Variants in ROBO2 observed in about 807,000 individuals in gnomAD.
ROBO2 encodes the protein roundabout homolog 2.
Under a neutral mutation model 160.8 loss-of-function variants are expected in ROBO2, and 53 were observed. The observed-to-expected ratio is 0.33, with a 90% CI of 0.26 to 0.41. ROBO2 has a LOEUF of 0.41. Ranked by LOEUF, ROBO2 falls within the 10% of genes least tolerant of loss-of-function variation. The pLI is 1.00. For synonymous variants in ROBO2, 664 were observed against 611.7 expected (o/e 1.09, Z -1.26); for missense variants, 1,577 against 1,722.4 (o/e 0.92, Z 1.49).
chr3:77,342,329 A>G (rs907326816), intron 2 of ROBO2, among the ~76,000 whole-genome samples: 2 of 152,184 alleles, frequency 1.3e-5, no homozygotes, highest in Non-Finnish European at 2.9e-5. Flanking sequence ...CGAAAGCGTA[A>G]GATGTGTCAG....
chr3:76,115,477 G>A (rs2070427103), intron 2 of ROBO2, among the ~76,000 whole-genome samples: 1 of 152,076 alleles, frequency 6.6e-6, no homozygotes, highest in African/African-American at 2.4e-5. Context: ...TTTACTAGCT[G>A]TGTGAGTTGG....
At chr3:77,166,679 C>T (rs1309369215) in intron 2 of ROBO2, among the ~76,000 whole-genome samples, 4 of 152,184 alleles carry the variant, frequency 2.6e-5, no homozygotes, top group Admixed American at 1.3e-4. Context: ...CTGCCTCAGC[C>T]TCCCGAGTAG....
intron 5 of ROBO2, among the ~76,000 whole-genome samples, chr3:77,494,749 C>T (rs963824015): frequency 1.3e-5 from 2 of 150,686 alleles, no homozygotes. Flanking sequence ...TTATAAATCC[C>T]TAGATATGAT....
At chr3:76,591,667 T>C (rs1258416311) in intron 2 of ROBO2, among the ~76,000 whole-genome samples, 1 of 152,146 alleles carries the variant, frequency 6.6e-6, no homozygotes, top group East Asian at 1.9e-4. Context: ...TTTATTTATT[T>C]CAGAAATAAG....
chr3:77,620,873 C>T (rs1383524663), intron 22 of ROBO2, among the ~76,000 whole-genome samples: 3 of 152,172 alleles, frequency 2.0e-5, no homozygotes, highest in Non-Finnish European at 2.9e-5. Context: ...TAAGATCTCA[C>T]CTAAATAGCA....
At position 76,641,721 on chromosome 3, in the gene ROBO2, T is replaced by C. The variant is rs145232706; in HGVS notation, c.110-456293T>C. Among the ~76,000 whole-genome samples the C allele has an allele frequency of 1.1e-4, 16 of 152,284 alleles. No homozygotes were observed. In the East Asian group the frequency reaches 2.9e-3, roughly 28 times the overall value. On this transcript the variant is annotated intron_variant, in intron 2 of 26. Coordinates refer to the ROBO2 transcript ENST00000487694. Reference sequence around the variant, plus strand: ...TTTAACTTCTTGGTCTGGATAATTATAGTATGGTATGTAGGTTTTTATTTA... The same window carrying C: ...TTTAACTTCTTGGTCTGGATAATTACAGTATGGTATGTAGGTTTTTATTTA...
At chr3:77,102,956 G>T (rs530655678) in intron 2 of ROBO2, among the ~76,000 whole-genome samples, 2 of 152,020 alleles carry the variant, frequency 1.3e-5, no homozygotes, top group African/African-American at 4.8e-5. Flanking sequence ...GAAAACAGTT[G>T]CAGAGTTAAT....
chr3:76,618,964 A>G (rs2088825338), intron 2 of ROBO2, among the ~76,000 whole-genome samples: 1 of 151,866 alleles, frequency 6.6e-6, no homozygotes, highest in African/African-American at 2.4e-5. Context: ...CTAAAAAGAA[A>G]TAATTTTTAA....
intron 2 of ROBO2, among the ~76,000 whole-genome samples, chr3:76,394,361 T>G (rs538488482): frequency 3.5e-4 from 54 of 152,170 alleles, no homozygotes; most frequent in African/African-American, 1.2e-3. Context: ...GTCTGTAAAG[T>G]ATTTTATTTC....
intron 2 of ROBO2, among the ~76,000 whole-genome samples, chr3:76,685,693 G>A (rs2092670766): frequency 6.6e-6 from 1 of 152,058 alleles, no homozygotes; most frequent in African/African-American, 2.4e-5. Flanking sequence ...AAAAAACAAA[G>A]TCACTTTAGT....
In ROBO2 at chr3:77,352,372, G is replaced by C. The variant is rs750641869; in HGVS notation, c.389-125042G>C. Among the ~76,000 whole-genome samples the C allele has an allele frequency of 1.6e-4, 25 of 152,208 alleles. No homozygotes were observed. In the South Asian group the frequency reaches 3.1e-3, roughly 19 times the overall value. On this transcript the variant is annotated intron_variant, in intron 2 of 25. Transcript: ENST00000461745. ...CAATTCGTGCATCATTCTATTTCGTGGAAGATATTCTCATGCAGGTGGTCT... is the reference window on the plus strand; with the variant it reads ...CAATTCGTGCATCATTCTATTTCGTCGAAGATATTCTCATGCAGGTGGTCT...
At position 77,495,725 on chromosome 3, in the gene ROBO2, A is replaced by G. The variant is rs7619803; in HGVS notation, c.806+2343A>G. On this transcript the variant is annotated intron_variant, in intron 5 of 25. Transcript: ENST00000461745. ...AGAAATGACATGCTCTTCTTAGCACATTGTATCAGGGGGCACATTATATCC... is the reference window on the plus strand; with the variant it reads ...AGAAATGACATGCTCTTCTTAGCACGTTGTATCAGGGGGCACATTATATCC... 5.9e-3 allele frequency among the ~76,000 whole-genome samples: 898 copies of G among 152,288 alleles called. 14 individuals are homozygous for G. The highest frequency in any genetic ancestry group is 0.021 in the African/African-American group (853 of 41,562).
intron 2 of ROBO2, among the ~76,000 whole-genome samples, chr3:76,614,843 G>A (rs1397823711): frequency 1.3e-5 from 2 of 151,974 alleles, no homozygotes; most frequent in Non-Finnish European, 2.9e-5. Flanking sequence ...GTTTATGTCG[G>A]TGCATAAATA....
Position 76,199,944 on chromosome 3 carries a change from C to T in ROBO2, c.109+262342C>T, listed in dbSNP as rs556044141. Among the ~76,000 whole-genome samples the T allele has an allele frequency of 2.6e-5, 4 of 152,256 alleles. No individual in the cohort carries two copies. The South Asian group carries it at 8.3e-4, about 32-fold the overall frequency. On this transcript the variant is annotated intron_variant, in intron 2 of 26. Coordinates refer to the ROBO2 transcript ENST00000487694. The stretch of plus-strand genomic sequence containing the variant: ...ATAGTGGCTGACTGTCTCTGTATAG[C>T]AAACTCTAAATACTTAGCCTTTGTG...
rs79393174 is a variant in ROBO2, at chr3:77,314,529, T to G, written c.389-162885T>G. Among the ~76,000 whole-genome samples the G allele has an allele frequency of 7.1e-3, 1,082 of 152,254 alleles. 14 individuals carry two copies. The highest frequency in any genetic ancestry group is 0.025 in the African/African-American group (1,034 of 41,554). On this transcript the variant is annotated intron_variant, in intron 2 of 25. Coordinates refer to ENST00000461745, the Ensembl canonical transcript of ROBO2. ...AACATTGATTCAACAGGATTAAAAT[T>G]TATGCATGAGATTCTGCTATCAGGT...
chr3:76,751,639 C>G (rs1451074174), intron 2 of ROBO2, among the ~76,000 whole-genome samples: 1 of 152,024 alleles, frequency 6.6e-6, no homozygotes, highest in Non-Finnish European at 1.5e-5. Flanking sequence ...AGAATATGAA[C>G]AGACACTTCT....
At chr3:76,769,526 G>T (rs2108483579) in intron 2 of ROBO2, among the ~76,000 whole-genome samples, 1 of 151,378 alleles carries the variant, frequency 6.6e-6, no homozygotes, top group South Asian at 2.1e-4. Context: ...TCATAATTCA[G>T]AACAAAGGCC....
rs1239065767 is a variant in ROBO2, at chr3:77,360,152, A to G, written c.389-117262A>G. Among the ~76,000 whole-genome samples the G allele has an allele frequency of 3.9e-5, 6 of 152,182 alleles. 1 individual carries two copies. Among genetic ancestry groups the G allele is most frequent in the Admixed American group, 6.6e-5 (1 of 15,262 alleles). ...TATCCAAGGGCCTGACCACTTCTTT[A>G]TCAGTCACCACATGCAGGAAGCAGT... is the stretch of plus-strand genomic sequence containing the variant. On this transcript the variant is annotated intron_variant, in intron 2 of 25. Transcript: ENST00000461745.
chr3:76,009,555 G>A (rs767272275), intron 2 of ROBO2, among the ~76,000 whole-genome samples: 1 of 152,170 alleles, frequency 6.6e-6, no homozygotes, highest in African/African-American at 2.4e-5. Context: ...GTTTTTATTT[G>A]TAGAATATCA....
Sources: allele counts gnomAD v4.1 joint callset (sites outside exome capture counted in the v4.1 genomes callset), GRCh38; gene constraint gnomAD v4.1.1; transcripts MANE v1.5; gene names NCBI Gene and HGNC (gene_info 2026-07-23, HGNC 2026-07-21).